The following XKR9 variants were observed in gnomAD, a reference collection of about 807,000 sequenced individuals.
The protein encoded by XKR9 is XK-related protein 9.
In XKR9, 32 loss-of-function variants were observed where a neutral mutation model predicts 32.0. The observed-to-expected ratio is 1.00, with a 90% CI of 0.76 to 1.34. The LOEUF (loss-of-function observed/expected upper bound fraction) is 1.34, where lower values mean the gene tolerates loss of function less well. XKR9 is among the 40% of genes most tolerant of loss of function. XKR9 has a pLI of 0.00. For synonymous variants in XKR9, 168 were observed against 143.4 expected (o/e 1.17, Z -1.22); for missense variants, 546 against 429.7 (o/e 1.27, Z -2.39).
At chr8:70,975,794 T>C in the XKR9 span, among the ~76,000 whole-genome samples, 1 of 152,210 alleles carries the variant, frequency 6.6e-6, no homozygotes, top group Admixed American at 6.5e-5. Flanking sequence ...CATTGGTAGC[T>C]TGATGGGGAT....
intron 2 of XKR9, among the ~76,000 whole-genome samples, chr8:70,751,785 G>A (rs1042991614): frequency 5.9e-5 from 9 of 152,218 alleles, no homozygotes; most frequent in Admixed American, 3.3e-4. Flanking sequence ...AGGTCTTTGG[G>A]CTCGAAGTAA....
At chr8:70,992,083 A>G in the XKR9 span, among the ~76,000 whole-genome samples, 3 of 152,198 alleles carry the variant, frequency 2.0e-5, no homozygotes, top group African/African-American at 7.2e-5. Context: ...CTTCAATGAC[A>G]ATTTCTAAGG....
At chr8:70,894,310 C>A in the XKR9 span, among the ~76,000 whole-genome samples, 1 of 151,912 alleles carries the variant, frequency 6.6e-6, no homozygotes, top group African/African-American at 2.4e-5. Context: ...TGGGGGCAGA[C>A]AACAACATGC....
the XKR9 span, among the ~76,000 whole-genome samples, chr8:71,010,332 T>C: frequency 6.6e-6 from 1 of 152,162 alleles, no homozygotes; most frequent in Non-Finnish European, 1.5e-5. Flanking sequence ...TTTGAAGAAT[T>C]TGTATTGTTA....
intron 2 of XKR9, among the ~76,000 whole-genome samples, chr8:70,776,518 G>A (rs1807522501): frequency 6.6e-6 from 1 of 152,032 alleles, no homozygotes; most frequent in Non-Finnish European, 1.5e-5. Flanking sequence ...GGTCTTAGAT[G>A]TGATAAACTC....
the XKR9 span, among the ~76,000 whole-genome samples, chr8:70,967,065 C>CTTTTT: frequency 5.9e-5 from 6 of 101,280 alleles, no homozygotes; most frequent in African/African-American, 2.1e-4. Context: ...GATCTTGACT[C>CTTTTT]TTTTTTTTTT....
the XKR9 span, among the ~76,000 whole-genome samples, chr8:71,037,033 C>T: frequency 1.3e-5 from 2 of 152,038 alleles, no homozygotes; most frequent in Admixed American, 1.3e-4. Context: ...TCTTTATACA[C>T]TAGTTGTGTT....
At chr8:70,819,369 T>C in the XKR9 span, among the ~76,000 whole-genome samples, 3 of 152,212 alleles carry the variant, frequency 2.0e-5, no homozygotes, top group East Asian at 1.9e-4. Context: ...GAATCATACC[T>C]CTTAGAAGTT....
At chr8:70,953,031 A>G in the XKR9 span, among the ~76,000 whole-genome samples, 12 of 152,238 alleles carry the variant, frequency 7.9e-5, no homozygotes, top group African/African-American at 2.9e-4. Flanking sequence ...CATGAGCTGC[A>G]TTCTAGACGT....
the XKR9 span, among the ~76,000 whole-genome samples, chr8:70,857,350 A>G: frequency 2.0e-5 from 3 of 152,238 alleles, no homozygotes; most frequent in African/African-American, 7.2e-5. Flanking sequence ...AAACACCTCT[A>G]TGCAAATAAA....
the XKR9 span, among the ~76,000 whole-genome samples, chr8:70,796,792 A>G: frequency 1.3e-5 from 2 of 152,236 alleles, no homozygotes; most frequent in Non-Finnish European, 2.9e-5. Flanking sequence ...GGCCTAGCAC[A>G]TAGTAACCAC....
the XKR9 span, among the ~76,000 whole-genome samples, chr8:71,040,993 C>CT: frequency 6.6e-6 from 1 of 152,122 alleles, no homozygotes; most frequent in African/African-American, 2.4e-5. Context: ...CTGGAAATAA[C>CT]TATTTTTAAT....
intron 3 of XKR9, among the ~76,000 whole-genome samples, chr8:70,689,963 T>G (rs558558745): frequency 6.6e-6 from 1 of 152,290 alleles, no homozygotes; most frequent in African/African-American, 2.4e-5. Context: ...TTCTTACTTA[T>G]AACTTTCTAA....
the XKR9 span, among the ~76,000 whole-genome samples, chr8:70,880,816 C>T: frequency 6.6e-6 from 1 of 152,154 alleles, no homozygotes; most frequent in East Asian, 1.9e-4. Context: ...ATAACCAAGA[C>T]AATCCTAAGC....
At chr8:70,978,904 T>C in the XKR9 span, among the ~76,000 whole-genome samples, 4 of 152,194 alleles carry the variant, frequency 2.6e-5, no homozygotes, top group Non-Finnish European at 4.4e-5. Context: ...TTTCCCATAG[T>C]CCCATATTTC....
the XKR9 span, among the ~76,000 whole-genome samples, chr8:70,827,095 T>C: frequency 1.3e-5 from 2 of 152,244 alleles, no homozygotes; most frequent in South Asian, 4.1e-4. Context: ...TTTAACATGA[T>C]ACCATGAAGT....
the XKR9 span, among the ~76,000 whole-genome samples, chr8:70,928,790 G>C: frequency 5.9e-5 from 9 of 152,270 alleles, no homozygotes; most frequent in Non-Finnish European, 1.3e-4. Flanking sequence ...ACATAGGATT[G>C]CTAGCCTTCT....
At chr8:70,944,931 C>G in the XKR9 span, among the ~76,000 whole-genome samples, 14 of 152,108 alleles carry the variant, frequency 9.2e-5, no homozygotes, top group Admixed American at 9.2e-4. Flanking sequence ...CAGAAAATAG[C>G]AATTGTATGA....
the XKR9 span, among the ~76,000 whole-genome samples, chr8:70,882,840 G>A: frequency 1.7e-4 from 26 of 151,746 alleles, no homozygotes; most frequent in Admixed American, 1.5e-3. Flanking sequence ...TTTGCCAAAT[G>A]TGTAATTAAA....
Sources: gnomAD v4.1 joint callset for allele counts (sites outside exome capture counted in the v4.1 genomes callset) on GRCh38, gnomAD v4.1.1 for gene constraint, MANE v1.5 for transcripts, NCBI Gene and HGNC (gene_info 2026-07-23, HGNC 2026-07-21) for gene names.